Variants in PDXP observed in about 807,000 individuals in gnomAD.
PDXP encodes chronophin.
A neutral mutation model predicts 14.4 loss-of-function variants in PDXP; 15 were observed. The observed-to-expected ratio is 1.04, with a 90% CI of 0.70 to 1.60. PDXP has a LOEUF of 1.60. PDXP is among the 40% of genes most tolerant of loss of function. The pLI, the probability that PDXP is intolerant of heterozygous loss-of-function variation, is 0.00. For missense variants in PDXP, 413 were observed against 427.6 expected (o/e 0.97, Z 0.30); for synonymous variants, 233 against 205.6 (o/e 1.13, Z -1.14).
rs368195432 is a variant in PDXP at position 37,665,591 on chromosome 22, C to T, written c.611C>T (p.Ser204Leu). 42 of 1,612,178 alleles carry T rather than the reference C, an allele frequency of 2.6e-5. No homozygotes were observed. The highest frequency in any genetic ancestry group is 2.2e-5 in the East Asian group (1 of 44,866). ...CTGGCCGCTGCAGTGGAGACAGCCT[C>T]GGGACGCCAGGCCCTGGTGGTGGGC... ...GSLAAAVETA[S>L]GRQALVVGKP... The change falls in exon 2 of 2, where the codon TCG (serine) becomes TTG (leucine). Residue 204 changes from serine (S) to leucine (L), a missense_variant. By Grantham distance (145) the Ser-to-Leu change is moderately radical (BLOSUM62 -2). Transcript: ENST00000215904.
chr22:37,659,879 TGGCACATA>T (rs1933167807), intron 1 of PDXP, among the ~76,000 whole-genome samples: 1 of 152,216 alleles, frequency 6.6e-6, no homozygotes, highest in Non-Finnish European at 1.5e-5. Flanking sequence ...GGTGAGTGCC[TGGCACATA>T]GTAGGTGTTC....
chr22:37,664,624 G>A (rs1921005652), intron 1 of PDXP, among the ~76,000 whole-genome samples: 1 of 152,214 alleles, frequency 6.6e-6, no homozygotes, highest in African/African-American at 2.4e-5. Flanking sequence ...AGGCCAGGCA[G>A]TTTAGAATGT....
intron 1 of PDXP, among the ~76,000 whole-genome samples, chr22:37,663,327 A>C (rs890515895): frequency 6.7e-6 from 1 of 149,720 alleles, no homozygotes; most frequent in Non-Finnish European, 1.5e-5. Flanking sequence ...AAAATCATAT[A>C]GTTGTAAGTT....
At chr22:37,663,309 A>G (rs1933240231) in intron 1 of PDXP, among the ~76,000 whole-genome samples, 1 of 151,710 alleles carries the variant, frequency 6.6e-6, no homozygotes, top group Admixed American at 6.6e-5. Context: ...GTCTCAAAAA[A>G]AAAAAAAAAA....
Position 37,666,206 on chromosome 22 carries a change from TC to T in PDXP, c.*340del, listed in dbSNP as rs1486196911. 1.6e-5 allele frequency: 6 copies of T among 366,014 alleles called. No homozygotes were observed. The highest frequency in any genetic ancestry group is 3.2e-5 in the Non-Finnish European group (6 of 189,298). The allele number at this position is 366,014 out of a possible 1,614,324, so 22.7% of individuals were successfully genotyped here. On this transcript the variant is annotated 3_prime_UTR_variant, in exon 2 of 2. Coordinates refer to ENST00000215904, the MANE Select transcript of PDXP (RefSeq NM_020315.5). ...CTCTATCCCTGAGTACTTAGTCTTC[TC>T]CCCCTTCCCTGGGGCTTCTAGAGCT...
chr22:37,660,765 A>G (rs983120412), intron 1 of PDXP, among the ~76,000 whole-genome samples: 1 of 152,210 alleles, frequency 6.6e-6, no homozygotes, highest in African/African-American at 2.4e-5. Context: ...ACACAGGATT[A>G]TGGTGGGGTG....
intron 1 of PDXP, among the ~76,000 whole-genome samples, chr22:37,662,918 G>A (rs1409550755): frequency 6.6e-6 from 1 of 151,970 alleles, no homozygotes; most frequent in Non-Finnish European, 1.5e-5. Flanking sequence ...AACCCAGGAG[G>A]CAGAGGTTGC....
chr22:37,665,107 G>A, intron 1 of PDXP: 1 of 198,076 alleles, frequency 5.0e-6, no homozygotes, highest in South Asian at 1.1e-4. Context: ...TTTGGAGGTA[G>A]GCATTACTTG....
Position 37,659,027 on chromosome 22 carries a change from C to G in PDXP, c.245C>G (p.Ala82Gly). The G allele has an allele frequency of 8.5e-7, 1 of 1,177,436 alleles. No homozygotes were observed. Among genetic ancestry groups the G allele is most frequent in the Non-Finnish European group, 1.1e-6 (1 of 950,384 alleles). The allele number at this position is 1,177,436 out of a possible 1,614,324, so 72.9% of individuals were successfully genotyped here. ...FARLGFGGLRAEQLFSSALCA... is the reference protein window; with the variant it reads ...FARLGFGGLRGEQLFSSALCA... ...CGCCTCGGCTTCGGGGGGCTGCGCG[C>G]CGAGCAGCTCTTCAGCTCCGCGCTG... Residue 82 changes from alanine to glycine, a missense_variant, in exon 1 of 2, where the codon GCC becomes GGC. Coordinates refer to ENST00000215904, the MANE Select transcript of PDXP (RefSeq NM_020315.5).
rs1933143259 is a variant in PDXP, at chr22:37,659,065, C to T, written c.283C>T (p.Leu95=). The part of the protein sequence containing the change: ...LFSSALCAAR[L]LRQRLPGPPD... ...CAGCTCCGCGCTGTGCGCCGCGCGC[C>T]TGCTGCGCCAGCGCCTGCCCGGGCC... Residue 95 remains leucine, a synonymous_variant, in exon 1 of 2, where the codon CTG becomes TTG. Transcript: ENST00000215904. The T allele has an allele frequency of 1.4e-5, 16 of 1,117,546 alleles. No homozygotes were observed. The highest frequency in any genetic ancestry group is 1.7e-5 in the Non-Finnish European group (16 of 915,654). 69.2% of individuals were successfully genotyped at this position (1,117,546 alleles called of 1,614,324 possible).
chr22:37,661,917 A>ATTTTTTTTTTTTT lies in PDXP; in HGVS notation c.574+2591_574+2603dup, dbSNP rs763030330. ...CTTTTATTCTCTCTCTTTTTCTTTA[A>ATTTTTTTTTTTTT]TTTTTTTTTTTTTTTTTTTTTTTTT... On this transcript the variant is annotated intron_variant, in intron 1 of 1. Transcript: ENST00000215904. Among the ~76,000 whole-genome samples, 7 of 71,220 alleles carry ATTTTTTTTTTTTT rather than the reference A, an allele frequency of 9.8e-5. 1 individual carries two copies. Among genetic ancestry groups the ATTTTTTTTTTTTT allele is most frequent in the Non-Finnish European group, 1.5e-4 (6 of 38,946 alleles). 46.7% of individuals were successfully genotyped at this position (71,220 alleles called of 152,430 possible).
intron 1 of PDXP, among the ~76,000 whole-genome samples, chr22:37,663,738 G>C (rs966575353): frequency 6.6e-6 from 1 of 151,850 alleles, no homozygotes; most frequent in Non-Finnish European, 1.5e-5. Flanking sequence ...GCCTCCTTTT[G>C]CTCCTGCCTC....
chr22:37,661,400 T>C (rs1933200414), intron 1 of PDXP, among the ~76,000 whole-genome samples: 1 of 152,090 alleles, frequency 6.6e-6, no homozygotes, highest in East Asian at 1.9e-4. Flanking sequence ...GCCCCCATGA[T>C]GTGTATGTCT....
intron 1 of PDXP, among the ~76,000 whole-genome samples, chr22:37,661,482 C>G (rs1022871322): frequency 1.3e-5 from 2 of 152,184 alleles, no homozygotes; most frequent in Non-Finnish European, 2.9e-5. Flanking sequence ...GTGTGTTTAT[C>G]TTGTCACCAC....
Position 37,665,829 on chromosome 22 carries a change from T to C in PDXP, c.849T>C (p.Tyr283=), listed in dbSNP as rs778207315. ...AGCACGACCTCGTGCCCCATTACTA[T>C]GTGGAGAGCATCGCAGACTTGACAG... ...AGQHDLVPHY[Y]VESIADLTEG... Residue 283 remains tyrosine (Y), a synonymous_variant, in exon 2 of 2, where the codon TAT becomes TAC. Transcript: ENST00000215904. 169 of 1,613,834 alleles carry C rather than the reference T, an allele frequency of 1.0e-4. 2 individuals are homozygous for C. In the South Asian group the frequency reaches 1.5e-3, roughly 14 times the overall value.
At chr22:37,663,880 T>A (rs1920990303) in intron 1 of PDXP, among the ~76,000 whole-genome samples, 1 of 151,468 alleles carries the variant, frequency 6.6e-6, no homozygotes, top group South Asian at 2.1e-4. Context: ...GGCCTTTTAT[T>A]TATTTATTTT....
intron 1 of PDXP, among the ~76,000 whole-genome samples, chr22:37,661,872 C>G (rs528699943): frequency 4.8e-4 from 72 of 150,296 alleles, no homozygotes; most frequent in African/African-American, 1.7e-3. Context: ...GAAGGAATCG[C>G]TCACCAACGG....
rs1041555737 is a variant in PDXP, at chr22:37,666,104, C to A, written c.*233C>A. The A allele has an allele frequency of 2.2e-5, 13 of 593,038 alleles. No homozygotes were observed. The South Asian group carries it at 2.6e-4, about 12-fold the overall frequency. 36.7% of individuals were successfully genotyped at this position (593,038 alleles called of 1,614,324 possible). A position where few individuals can be genotyped will look rare whatever the true frequency, so the allele number is the denominator to read the frequency against. On this transcript the variant is annotated 3_prime_UTR_variant, in exon 2 of 2. Coordinates refer to ENST00000215904, the MANE Select transcript of PDXP (RefSeq NM_020315.5). ...CCCCTATGGATTCATCTTGGCCTGA[C>A]CCAGCCAGGTGGCCTTATTTCTTCC...
chr22:37,660,501 T>G (rs1343166792), intron 1 of PDXP, among the ~76,000 whole-genome samples: 3 of 152,204 alleles, frequency 2.0e-5, no homozygotes, highest in African/African-American at 7.2e-5. Context: ...GCTGTCATCT[T>G]GCGAGTTCAG....
Sources: allele counts gnomAD v4.1 joint callset (sites outside exome capture counted in the v4.1 genomes callset), GRCh38; gene constraint gnomAD v4.1.1; transcripts MANE v1.5; gene names NCBI Gene and HGNC (gene_info 2026-07-23, HGNC 2026-07-21).